GSN: variants seen among roughly 807,000 people sequenced by gnomAD.
The protein encoded by GSN is actin-depolymerizing factor.
A neutral mutation model predicts 85.7 loss-of-function variants in GSN; 56 were observed. The observed-to-expected ratio is 0.65, with a 90% confidence interval of 0.53 to 0.82. The LOEUF (loss-of-function observed/expected upper bound fraction) is 0.82, where lower values mean the gene tolerates loss of function less well. Among genes scored for constraint, GSN ranks in the 40% least tolerant of loss-of-function variants. The pLI is 0.00. For missense variants in GSN, 857 were observed against 979.8 expected (o/e 0.87, Z 1.67); for synonymous variants, 373 against 399.1 (o/e 0.93, Z 0.78).
intron 6 of GSN, among the ~76,000 whole-genome samples, chr9:121,252,176 CAGGGA>C (rs2054853159): frequency 6.6e-6 from 1 of 152,050 alleles, no homozygotes; most frequent in Admixed American, 6.5e-5. Flanking sequence ...CATTTTACCC[CAGGGA>C]TAAGAAATGG....
rs1339859188 is a variant in GSN at position 121,251,184 on chromosome 9, G to GTTTTTTTTTTTT, written c.-341+2863_-341+2864insTTTTTTTTTTTT. On this transcript the variant is annotated intron_variant, in intron 6 of 24. Coordinates refer to the GSN transcript ENST00000373823. Reference sequence around the variant, plus strand: ...AGTATAACATACCTACAGCTGATGTGTTCTTTTTTTTTTTTTGAGATGGAT... The same window carrying GTTTTTTTTTTTT: ...AGTATAACATACCTACAGCTGATGTGTTTTTTTTTTTTTTCTTTTTTTTTTTTTGAGATGGAT... Among the ~76,000 whole-genome samples, 3 of 6,368 alleles carry GTTTTTTTTTTTT rather than the reference G, an allele frequency of 4.7e-4. 1 individual carries two copies. Among genetic ancestry groups the GTTTTTTTTTTTT allele is most frequent in the Admixed American group, 3.8e-3 (2 of 524 alleles). 4.2% of individuals were successfully genotyped at this position (6,368 alleles called of 152,430 possible).
chr9:121,312,270 C>G (rs2061236221), intron 5 of GSN, 69 bp from the exon 6 acceptor site: 1 of 1,561,618 alleles, frequency 6.4e-7, no homozygotes. Flanking sequence ...GCCACACTCC[C>G]CAAGCCCTGT....
At chr9:121,271,222 G>A (rs550622842) in intron 1 of GSN, among the ~76,000 whole-genome samples, 1 of 152,210 alleles carries the variant, frequency 6.6e-6, no homozygotes, top group Admixed American at 6.5e-5. Context: ...TACGTGCTGG[G>A]ATGCTCCTGT....
chr9:121,244,110 A>T lies in GSN; in HGVS notation c.-388-4166A>T, dbSNP rs560782311. The stretch of plus-strand genomic sequence containing the variant: ...GGAATCATAGCATATGTAGCTTTTT[A>T]AATCTGGCTTCTTTCCCTTAGCACA... On this transcript the variant is annotated intron_variant, in intron 5 of 24. Transcript: ENST00000373823. Among the ~76,000 whole-genome samples, 12 of 152,298 alleles carry T rather than the reference A, an allele frequency of 7.9e-5. No individual in the cohort carries two copies. In the South Asian group the frequency reaches 2.5e-3, roughly 32 times the overall value.
intron 1 of GSN, among the ~76,000 whole-genome samples, chr9:121,273,109 T>C (rs2056209864): frequency 6.6e-6 from 1 of 152,122 alleles, no homozygotes; most frequent in South Asian, 2.1e-4. Flanking sequence ...AATTGACTCT[T>C]CCCAAGAGTG....
intron 2 of GSN, among the ~76,000 whole-genome samples, chr9:121,287,791 A>G (rs560051983): frequency 2.0e-5 from 3 of 152,156 alleles, no homozygotes; most frequent in African/African-American, 4.8e-5. Flanking sequence ...TCAATTCAAT[A>G]ATGTTTAGTA....
chr9:121,217,797 TGTA>T (rs1222747575), intron 4 of GSN, among the ~76,000 whole-genome samples: 6 of 119,088 alleles, frequency 5.0e-5, no homozygotes, highest in South Asian at 2.5e-4. Flanking sequence ...AATATAGAAA[TGTA>T]TTATTATTAT....
chr9:121,271,807 C>G (rs1474880299), intron 1 of GSN, among the ~76,000 whole-genome samples: 2 of 152,208 alleles, frequency 1.3e-5, no homozygotes, highest in Non-Finnish European at 2.9e-5. Context: ...CCCTCCATTT[C>G]AGGGAATCCA....
chr9:121,297,520 C>T (rs759797372), intron 2 of GSN, among the ~76,000 whole-genome samples: 37 of 152,302 alleles, frequency 2.4e-4, no homozygotes, highest in Admixed American at 5.9e-4. Context: ...TTCCAGCAAA[C>T]GGCCTTAACA....
intron 5 of GSN, among the ~76,000 whole-genome samples, chr9:121,237,504 TCACAC>T (rs1438986691): frequency 5.9e-5 from 9 of 152,084 alleles, no homozygotes; most frequent in African/African-American, 2.2e-4. Flanking sequence ...GCAGCTGTGC[TCACAC>T]CACGGTACTC....
chr9:121,300,789 G>T (rs1365688284), intron 2 of GSN, among the ~76,000 whole-genome samples: 2 of 152,184 alleles, frequency 1.3e-5, no homozygotes, highest in East Asian at 1.9e-4. Context: ...TGGGGCAGGA[G>T]GGAGGAGGCA....
chr9:121,217,045 C>G (rs2054076839), intron 4 of GSN, among the ~76,000 whole-genome samples: 1 of 152,072 alleles, frequency 6.6e-6, no homozygotes, highest in Non-Finnish European at 1.5e-5. Flanking sequence ...ATTTTTCTAA[C>G]TTAAGGAGAT....
intron 10 of GSN, 105 bp from the exon 11 acceptor site, chr9:121,321,163 C>A: frequency 1.6e-6 from 2 of 1,223,512 alleles, no homozygotes; most frequent in South Asian, 1.2e-5. Context: ...ATTAAAAGTT[C>A]ATCCCATGGC....
At chr9:121,272,369 T>C (rs929155968) in intron 1 of GSN, among the ~76,000 whole-genome samples, 29 of 152,222 alleles carry the variant, frequency 1.9e-4, no homozygotes, top group African/African-American at 6.8e-4. Flanking sequence ...ACTGGGTGAC[T>C]TGGGCTAATG....
At chr9:121,240,667 C>T (rs1488790292) in intron 5 of GSN, among the ~76,000 whole-genome samples, 4 of 152,088 alleles carry the variant, frequency 2.6e-5, no homozygotes, top group Admixed American at 6.6e-5. Context: ...GATCAAGTGA[C>T]GGACAATCCT....
intron 7 of GSN, among the ~76,000 whole-genome samples, chr9:121,314,510 G>A (rs1452350806): frequency 6.6e-6 from 1 of 152,162 alleles, no homozygotes; most frequent in Non-Finnish European, 1.5e-5. Context: ...TCTTGGCTGA[G>A]CTCTGGGAGA....
At chr9:121,321,599 C>T (rs2062460797) in intron 11 of GSN, among the ~76,000 whole-genome samples, 198 bp downstream of exon 11, 1 of 152,206 alleles carries the variant, frequency 6.6e-6, no homozygotes, top group Non-Finnish European at 1.5e-5. Context: ...GATTATACAT[C>T]TATTGTAGGA....
At chr9:121,303,099 G>A in intron 4 of GSN, 34 bp downstream of exon 4, 1 of 1,605,736 alleles carries the variant, frequency 6.2e-7, no homozygotes, top group Non-Finnish European at 8.5e-7. Context: ...GAGCGGTAGG[G>A]ACAGATGCAC....
intron 6 of GSN, among the ~76,000 whole-genome samples, chr9:121,248,705 A>G (rs973206297): frequency 2.6e-5 from 4 of 152,228 alleles, no homozygotes; most frequent in African/African-American, 4.8e-5. Context: ...GGTAGAGGTC[A>G]TGGAAATGGG....
Sources: allele counts gnomAD v4.1 joint callset (sites outside exome capture counted in the v4.1 genomes callset), GRCh38; gene constraint gnomAD v4.1.1; transcripts MANE v1.5; gene names NCBI Gene and HGNC (gene_info 2026-07-23, HGNC 2026-07-21).